Variants in RAF1 observed in about 807,000 individuals in gnomAD.
RAF1 encodes RAF proto-oncogene serine/threonine-protein kinase.
Under a neutral mutation model 81.1 loss-of-function variants are expected in RAF1, and 27 were observed. The ratio of observed to expected loss-of-function variants is 0.33; its 90% CI spans 0.25 to 0.46. RAF1 has a LOEUF of 0.46. Ranked by LOEUF, RAF1 falls within the 20% of genes least tolerant of loss-of-function variation. The pLI, the probability that RAF1 is intolerant of heterozygous loss-of-function variation, is 1.00. For synonymous variants in RAF1, 298 were observed against 294.0 expected (o/e 1.01, Z -0.14); for missense variants, 598 against 826.0 (o/e 0.72, Z 3.38).
intron 13 of RAF1, chr3:12,590,081 G>T (rs1247646873): frequency 1.3e-5 from 2 of 150,744 alleles, no homozygotes; most frequent in Non-Finnish European, 3.0e-5. Flanking sequence ...GAGCCACCGT[G>T]CCTGGCCAGG....
chr3:12,638,281 T>C (rs1359906230), intron 1 of RAF1, among the ~76,000 whole-genome samples: 2 of 152,180 alleles, frequency 1.3e-5, no homozygotes, highest in East Asian at 3.8e-4. Context: ...TGGCAAGTGG[T>C]GAGTTCTAAC....
chr3:12,656,756 G>C (rs902909930), intron 1 of RAF1, among the ~76,000 whole-genome samples: 2 of 152,108 alleles, frequency 1.3e-5, no homozygotes, highest in South Asian at 4.1e-4. Flanking sequence ...CAGCATTCTG[G>C]GAGGCTGAGA....
At chr3:12,644,723 G>A (rs1335000364) in intron 1 of RAF1, among the ~76,000 whole-genome samples, 2 of 152,080 alleles carry the variant, frequency 1.3e-5, no homozygotes, top group Admixed American at 6.6e-5. Flanking sequence ...CTTCAAAAAC[G>A]CCTTAGCAAA....
At chr3:12,590,403 A>G (rs1387481666) in intron 13 of RAF1, 1 of 75,744 alleles carries the variant, frequency 1.3e-5, no homozygotes, top group Non-Finnish European at 2.4e-5. Flanking sequence ...AGCTCCCCGC[A>G]ACCTCTGCTT....
rs570366738 is a variant in RAF1 at position 12,637,404 on chromosome 3, T to A, written c.-26-18657A>T. On this transcript the variant is annotated intron_variant, in intron 1 of 17. Coordinates refer to ENST00000442415, the MANE Select transcript of RAF1 (RefSeq NM_001354689.3). ...GCCCAGCCTCCCCAGTAGCGGGGAC[T>A]ACAGCACATGCCACCACACCTGGCT... Among the ~76,000 whole-genome samples, 286 of 151,884 alleles carry A rather than the reference T, an allele frequency of 1.9e-3. 2 individuals carry two copies. Among genetic ancestry groups the A allele is most frequent in the African/African-American group, 6.0e-3 (247 of 41,450 alleles).
rs376200862 is a variant in RAF1 at position 12,606,970 on chromosome 3, C to T, written c.582-671G>A. Among the ~76,000 whole-genome samples, 22 of 152,278 alleles carry T rather than the reference C, an allele frequency of 1.4e-4. 2 individuals carry two copies. Among genetic ancestry groups the T allele is most frequent in the Admixed American group, 3.3e-4 (5 of 15,300 alleles). ...CCTCCCAAAGTGCTGGGATTACAGG[C>T]GTGAGCCACCGCGCCCGGCCCAGTG... On this transcript the variant is annotated intron_variant, in intron 5 of 17. Transcript: ENST00000442415.
rs747013213 is a variant in RAF1, at chr3:12,663,909, C to T, written c.-123G>A. On this transcript the variant is annotated 5_prime_UTR_variant, in exon 1 of 18. It adds an upstream start codon to the 5' untranslated region. Transcript: ENST00000442415. Reference sequence around the variant, plus strand: ...CGGGTGAGGGAGCGGGAGGCGGTCACATTCGGCGCGTCCCCAGCCCAGGGG... The same window carrying T: ...CGGGTGAGGGAGCGGGAGGCGGTCATATTCGGCGCGTCCCCAGCCCAGGGG... 1 of 398,134 alleles carries T rather than the reference C, an allele frequency of 2.5e-6. No individual in the cohort carries two copies. Among genetic ancestry groups the T allele is most frequent in the African/African-American group, 2.1e-5 (1 of 48,610 alleles). 24.7% of individuals were successfully genotyped at this position (398,134 alleles called of 1,614,324 possible).
At chr3:12,592,924 A>G (rs1284026201) in intron 11 of RAF1, among the ~76,000 whole-genome samples, 1 of 150,956 alleles carries the variant, frequency 6.6e-6, no homozygotes, top group African/African-American at 2.4e-5. Context: ...TGTTTTTAGT[A>G]GAGACGGGGT....
At chr3:12,590,477 A>G in intron 13 of RAF1, 1 of 322,030 alleles carries the variant, frequency 3.1e-6, no homozygotes, top group South Asian at 3.0e-5. Context: ...GGCATGTGCC[A>G]CCAGACTTGG....
chr3:12,614,127 G>T (rs573760708), intron 2 of RAF1, among the ~76,000 whole-genome samples: 1 of 152,316 alleles, frequency 6.6e-6, no homozygotes, highest in East Asian at 1.9e-4. Flanking sequence ...GATAAAGATT[G>T]ATCATAAGAA....
At chr3:12,646,770 C>T (rs1473770012) in intron 1 of RAF1, among the ~76,000 whole-genome samples, 1 of 151,482 alleles carries the variant, frequency 6.6e-6, no homozygotes, top group Non-Finnish European at 1.5e-5. Flanking sequence ...AGACTTGTCT[C>T]AAACTCCTGA....
chr3:12,650,145 CAA>C (rs36098034), intron 1 of RAF1, among the ~76,000 whole-genome samples: 106 of 76,938 alleles, frequency 1.4e-3, no homozygotes, highest in African/African-American at 2.1e-3. Flanking sequence ...GACTCCATCT[CAA>C]AAAAAAAAAA....
intron 1 of RAF1, among the ~76,000 whole-genome samples, chr3:12,626,764 C>T (rs1481650315): frequency 6.6e-6 from 1 of 151,816 alleles, no homozygotes; most frequent in Admixed American, 6.6e-5. Context: ...TGGCTCACGC[C>T]TGTAATCCCA....
chr3:12,585,600 C>T (rs1354187447), intron 15 of RAF1, 81 bp downstream of exon 14: 15 of 1,405,712 alleles, frequency 1.1e-5, no homozygotes, highest in East Asian at 9.1e-5. Context: ...TGTACAGAAA[C>T]GCTTTAAGTT....
At chr3:12,586,274 C>G (rs1460776841) in intron 14 of RAF1, among the ~76,000 whole-genome samples, 1 of 152,170 alleles carries the variant, frequency 6.6e-6, no homozygotes, top group Non-Finnish European at 1.5e-5. Flanking sequence ...AAATCCCTTA[C>G]TGAGTGTTCA....
intron 2 of RAF1, among the ~76,000 whole-genome samples, chr3:12,613,613 C>T (rs2125438224): frequency 6.6e-6 from 1 of 152,270 alleles, no homozygotes; most frequent in African/African-American, 2.4e-5. Flanking sequence ...AGAAAAAAGT[C>T]TTAAGAAAGA....
At chr3:12,607,929 G>C (rs764980231) in intron 5 of RAF1, among the ~76,000 whole-genome samples, 6 of 101,168 alleles carry the variant, frequency 5.9e-5, no homozygotes, top group Non-Finnish European at 9.0e-5. Flanking sequence ...CCAGCCTAAT[G>C]ACAGAAAGAG....
At chr3:12,634,641 C>A (rs1367989885) in intron 1 of RAF1, among the ~76,000 whole-genome samples, 1 of 152,054 alleles carries the variant, frequency 6.6e-6, no homozygotes, top group Non-Finnish European at 1.5e-5. Flanking sequence ...CTAGCAATTT[C>A]CAACTATCAT....
intron 1 of RAF1, among the ~76,000 whole-genome samples, chr3:12,650,517 A>G (rs934224355): frequency 2.6e-5 from 4 of 152,178 alleles, no homozygotes; most frequent in Admixed American, 2.6e-4. Context: ...TGAATACCGA[A>G]TCACTATCAC....
Sources: gnomAD v4.1 joint callset for allele counts (sites outside exome capture counted in the v4.1 genomes callset) on GRCh38, gnomAD v4.1.1 for gene constraint, MANE v1.5 for transcripts, NCBI Gene and HGNC (gene_info 2026-07-23, HGNC 2026-07-21) for gene names.